CSMD2: variants seen among roughly 807,000 people sequenced by gnomAD.
The protein encoded by CSMD2 is CUB and sushi domain-containing protein 2.
In CSMD2, 130 loss-of-function variants were observed where a neutral mutation model predicts 398.5. The observed-to-expected ratio is 0.33, with a 90% CI of 0.28 to 0.38. The LOEUF (loss-of-function observed/expected upper bound fraction) is 0.38, where lower values mean the gene tolerates loss of function less well. CSMD2 is among the 10% of genes least tolerant of loss of function. The pLI is 1.00. For missense variants in CSMD2, 3,829 were observed against 4,764.9 expected (o/e 0.80, Z 5.78); for synonymous variants, 1,828 against 1,908.5 (o/e 0.96, Z 1.10).
chr1:33,681,964 T>G (rs575247569), intron 25 of CSMD2, among the ~76,000 whole-genome samples: 1 of 152,244 alleles, frequency 6.6e-6, no homozygotes, highest in East Asian at 1.9e-4. Context: ...AGACTCCAAA[T>G]CAAACAAACA....
intron 1 of CSMD2, among the ~76,000 whole-genome samples, chr1:34,147,731 A>T (rs1446335431): frequency 6.6e-6 from 1 of 151,620 alleles, no homozygotes; most frequent in Non-Finnish European, 1.5e-5. Flanking sequence ...AACAGAGGGG[A>T]GGGAGGAGTT....
At chr1:33,990,763 T>C (rs766345054) in intron 3 of CSMD2, among the ~76,000 whole-genome samples, 3 of 152,322 alleles carry the variant, frequency 2.0e-5, no homozygotes, top group Non-Finnish European at 4.4e-5. Context: ...CAGCCTTAGG[T>C]TGAGGCCAGG....
intron 3 of CSMD2, among the ~76,000 whole-genome samples, chr1:33,949,996 T>C (rs956531310): frequency 6.6e-6 from 1 of 152,128 alleles, no homozygotes; most frequent in Non-Finnish European, 1.5e-5. Flanking sequence ...GACTGGCCCA[T>C]CATCCAGCCA....
chr1:33,577,204 A>G (rs1638325591), intron 49 of CSMD2, 92 bp downstream of exon 49: 1 of 1,175,298 alleles, frequency 8.5e-7, no homozygotes, highest in African/African-American at 1.5e-5. Flanking sequence ...CAAAGAGGAA[A>G]CCCACATTTG....
chr1:34,013,536 G>A (rs999693896), intron 3 of CSMD2, among the ~76,000 whole-genome samples: 2 of 152,126 alleles, frequency 1.3e-5, no homozygotes, highest in Non-Finnish European at 2.9e-5. Flanking sequence ...AGCCCTTCGG[G>A]GCAGGGGCTA....
chr1:33,955,359 T>C (rs1645133423), intron 3 of CSMD2, among the ~76,000 whole-genome samples: 1 of 152,180 alleles, frequency 6.6e-6, no homozygotes, highest in African/African-American at 2.4e-5. Flanking sequence ...GCATGGAGCA[T>C]CCTGGGGCCT....
At chr1:34,024,976 C>CCCAT (rs1649438866) in intron 3 of CSMD2, among the ~76,000 whole-genome samples, 2 of 152,200 alleles carry the variant, frequency 1.3e-5, no homozygotes, top group Non-Finnish European at 2.9e-5. Flanking sequence ...GCCCATTTCT[C>CCCAT]CCATGTACTT....
In CSMD2 at chr1:33,964,661, C is replaced by A. The variant is rs147392554; in HGVS notation, c.518-28707G>T. On this transcript the variant is annotated intron_variant, in intron 3 of 70. Coordinates refer to ENST00000373381, the MANE Select transcript of CSMD2 (RefSeq NM_001281956.2). ...AGCCTCTTCTCTCCTTCTGATCTGT[C>A]CAGGCAGATGGATGCACAACCCCTC... 3.7e-4 allele frequency among the ~76,000 whole-genome samples: 56 copies of A among 152,284 alleles called. 1 individual carries two copies. Among genetic ancestry groups the A allele is most frequent in the African/African-American group, 1.3e-3 (54 of 41,572 alleles).
At chr1:33,739,503 G>C (rs1237696803) in intron 14 of CSMD2, among the ~76,000 whole-genome samples, 169 bp from the exon 15 acceptor site, 1 of 152,190 alleles carries the variant, frequency 6.6e-6, no homozygotes, top group Admixed American at 6.5e-5. Flanking sequence ...CATTAAGCAG[G>C]TGCTCATTAA....
intron 3 of CSMD2, among the ~76,000 whole-genome samples, chr1:33,969,905 A>G (rs1219026948): frequency 2.0e-5 from 3 of 152,000 alleles, no homozygotes; most frequent in Non-Finnish European, 4.4e-5. Context: ...TGAGGTCAGG[A>G]GTTTGAGATC....
chr1:34,059,582 G>T (rs989836676), intron 2 of CSMD2, among the ~76,000 whole-genome samples: 3 of 152,116 alleles, frequency 2.0e-5, no homozygotes, highest in Non-Finnish European at 4.4e-5. Context: ...TGTGTATTTT[G>T]TTCCCCCACT....
Position 33,580,679 on chromosome 1 carries a change from C to T in CSMD2, c.7387+74G>A, listed in dbSNP as rs987480017. ...GGCAGATTTAGGAGGGGAATGGCCG[C>T]CCGGTCTCCACAGAGGAGCTTGAGG... On this transcript the variant is annotated intron_variant, in intron 48 of 70. Coordinates refer to ENST00000373381, the MANE Select transcript of CSMD2 (RefSeq NM_001281956.2). 6.5e-6 allele frequency: 10 copies of T among 1,545,720 alleles called. No homozygotes were observed. The East Asian group carries it at 2.1e-4, about 32-fold the overall frequency.
intron 44 of CSMD2, chr1:33,599,971 T>G (rs1337213914): frequency 1.7e-6 from 1 of 600,634 alleles, no homozygotes; most frequent in African/African-American, 1.9e-5. Context: ...GGCTGGGTTC[T>G]GTTTCCAGTT....
chr1:33,614,134 G>C (rs764564262), intron 40 of CSMD2, among the ~76,000 whole-genome samples: 1 of 149,578 alleles, frequency 6.7e-6, no homozygotes, highest in Non-Finnish European at 1.5e-5. Context: ...ACAGATTTCC[G>C]CCCCACCCCC....
At chr1:33,700,436 G>C in intron 23 of CSMD2, 81 bp downstream of exon 23, 1 of 1,477,444 alleles carries the variant, frequency 6.8e-7, no homozygotes, top group Non-Finnish European at 9.3e-7. Context: ...TTTGTATCTC[G>C]TGAGCAAGCA....
intron 3 of CSMD2, among the ~76,000 whole-genome samples, chr1:33,949,069 C>T (rs1339859714): frequency 1.3e-5 from 2 of 152,224 alleles, no homozygotes; most frequent in African/African-American, 4.8e-5. Context: ...AACCCCAGCA[C>T]TGTTACTTAA....
intron 1 of CSMD2, among the ~76,000 whole-genome samples, chr1:34,155,222 C>T (rs980703382): frequency 6.6e-6 from 1 of 152,158 alleles, no homozygotes; most frequent in Non-Finnish European, 1.5e-5. Flanking sequence ...CCACCTGAGA[C>T]TTGGTGGGGT....
At chr1:33,820,943 G>A (rs1448787696) in intron 7 of CSMD2, among the ~76,000 whole-genome samples, 2 of 152,052 alleles carry the variant, frequency 1.3e-5, no homozygotes, top group African/African-American at 2.4e-5. Context: ...TAGATGAAAT[G>A]AGCCCCCCAC....
intron 43 of CSMD2, 96 bp from the exon 44 acceptor site, chr1:33,601,106 G>A: frequency 2.7e-6 from 4 of 1,497,338 alleles, no homozygotes; most frequent in Non-Finnish European, 3.6e-6. Context: ...ACCTGGAGTG[G>A]GAGGCTATGA....
Sources: allele counts gnomAD v4.1 joint callset (sites outside exome capture counted in the v4.1 genomes callset), GRCh38; gene constraint gnomAD v4.1.1; transcripts MANE v1.5; gene names NCBI Gene and HGNC (gene_info 2026-07-23, HGNC 2026-07-21).